Variants in DNAH17 observed in about 807,000 individuals in gnomAD.
DNAH17 encodes the protein dynein axonemal heavy chain 17.
Under a neutral mutation model 485.6 loss-of-function variants are expected in DNAH17, and 376 were observed. That is an observed-to-expected ratio of 0.77 (90% CI 0.71 to 0.84). The LOEUF is 0.84. Among genes scored for constraint, DNAH17 ranks in the 40% least tolerant of loss-of-function variants. The pLI is 0.00. For synonymous variants in DNAH17, 3,031 were observed against 2,405.9 expected (o/e 1.26, Z -7.60); for missense variants, 6,370 against 5,839.3 (o/e 1.09, Z -2.96).
chr17:78,465,758 T>TG (rs2088410363), intron 56 of DNAH17, among the ~76,000 whole-genome samples: 1 of 134,848 alleles, frequency 7.4e-6, no homozygotes, highest in Non-Finnish European at 1.5e-5. Context: ...GGGAGGGAGG[T>TG]GGGGGCGGTC....
At position 78,450,310 on chromosome 17, in the gene DNAH17, A is replaced by C; in HGVS notation, c.10984T>G (p.Tyr3662Asp). ...TTGTTGAGATCGTTCAGTATGAAGT[A>C]GAGCAGAGATGCCCTCTCCGCAGCC... ...RPAAERASLL[Y>D]FILNDLNKIN... The change falls in exon 68 of 81, where the codon TAC (tyrosine) becomes GAC (aspartate). Residue 3662 changes from tyrosine to aspartate, a missense_variant. By Grantham distance (160) the Tyr-to-Asp change is radical. Coordinates refer to ENST00000389840, the MANE Select transcript of DNAH17 (RefSeq NM_173628.4). 1 of 1,614,008 alleles carries C rather than the reference A, an allele frequency of 6.2e-7. No individual in the cohort carries two copies. The highest frequency in any genetic ancestry group is 8.5e-7 in the Non-Finnish European group (1 of 1,179,876).
rs1453033666 is a variant in DNAH17, at chr17:78,543,611, G to T, written c.2532+246C>A. ...GGCCAATTTTTGTATTTTTAGTAAA[G>T]GCAGGGTTTCACCACGTTGGTCAAG... On this transcript the variant is annotated intron_variant, in intron 17 of 80. Transcript: ENST00000389840. 5.4e-6 allele frequency: 3 copies of T among 555,772 alleles called. No individual in the cohort carries two copies. The African/African-American group carries it at 5.7e-5, about 11-fold the overall frequency. The allele number at this position is 555,772 out of a possible 1,614,324, so 34.4% of individuals were successfully genotyped here.
At chr17:78,448,905 G>C (rs2087428193) in intron 69 of DNAH17, among the ~76,000 whole-genome samples, 1 of 152,160 alleles carries the variant, frequency 6.6e-6, no homozygotes, top group Non-Finnish European at 1.5e-5. Flanking sequence ...AATTTCTATT[G>C]TTTATAGATT....
chr17:78,537,756 C>A (rs2091416597), intron 18 of DNAH17, among the ~76,000 whole-genome samples: 1 of 152,256 alleles, frequency 6.6e-6, no homozygotes, highest in African/African-American at 2.4e-5. Flanking sequence ...AAGCCCACAC[C>A]TGCTACTTGC....
At chr17:78,488,793 A>T (rs1025249741) in intron 44 of DNAH17, among the ~76,000 whole-genome samples, 2 of 151,982 alleles carry the variant, frequency 1.3e-5, no homozygotes, top group African/African-American at 4.8e-5. Context: ...AGCAAATGGG[A>T]AATTTGGACA....
At chr17:78,516,533 T>A (rs1432540730) in intron 25 of DNAH17, among the ~76,000 whole-genome samples, 1 of 151,534 alleles carries the variant, frequency 6.6e-6, no homozygotes, top group Non-Finnish European at 1.5e-5. Context: ...CTAAAAAAAA[T>A]ACAAAAATTA....
intron 51 of DNAH17, 127 bp from the exon 52 acceptor site, chr17:78,476,860 G>C: frequency 1.7e-6 from 2 of 1,156,782 alleles, no homozygotes; most frequent in Non-Finnish European, 2.4e-6. Flanking sequence ...TGTTGGCACA[G>C]CATTCACTTG....
chr17:78,472,298 GTGGGGGTGCGAGGGTTAGGGTTAGGGAA>G (rs1408707160), intron 54 of DNAH17, among the ~76,000 whole-genome samples: 4 of 141,846 alleles, frequency 2.8e-5, no homozygotes, highest in African/African-American at 6.2e-5. Context: ...GGGTTAGGGA[GTGGGGGTGCGAGGGTTAGGGTTAGGGAA>G]TGGGGGTGCG....
chr17:78,461,009 C>T (rs895718205), intron 58 of DNAH17, among the ~76,000 whole-genome samples: 1 of 152,134 alleles, frequency 6.6e-6, no homozygotes, highest in African/African-American at 2.4e-5. Context: ...GATGCTGTAA[C>T]CTTCAGGCTC....
chr17:78,457,103 G>A (rs912950233), intron 62 of DNAH17, among the ~76,000 whole-genome samples: 1 of 152,262 alleles, frequency 6.6e-6, no homozygotes, highest in Non-Finnish European at 1.5e-5. Context: ...GGGCGTGGTG[G>A]CTCACGCCTG....
At chr17:78,454,353 C>T in intron 64 of DNAH17, 117 bp downstream of exon 64, 1 of 748,154 alleles carries the variant, frequency 1.3e-6, no homozygotes, top group South Asian at 1.8e-5. Context: ...AGATTTAAAA[C>T]CTGTGGGCTA....
chr17:78,525,092 C>A lies in DNAH17; in HGVS notation c.3781G>T (p.Val1261Phe). ...ALSKSGGLFE[V>F]PVPDYKQLKA... ...AGCTGCTTGTAGTCTGGGACGGGGA[C>A]CTCGAACAGGCCCCCGGACTTGGAC... The change falls in exon 25 of 81, where the codon GTC becomes TTC. Residue 1261 changes from valine to phenylalanine, a missense_variant. By Grantham distance (50) the Val-to-Phe change is conservative. Coordinates refer to ENST00000389840, the MANE Select transcript of DNAH17 (RefSeq NM_173628.4). 6.2e-7 allele frequency: 1 copy of A among 1,613,856 alleles called. No individual in the cohort carries two copies. Among genetic ancestry groups the A allele is most frequent in the Non-Finnish European group, 8.5e-7 (1 of 1,179,888 alleles).
chr17:78,532,465 G>A lies in DNAH17; in HGVS notation c.3114+17C>T, dbSNP rs1241388172. The A allele has an allele frequency of 1.3e-6, 2 of 1,594,150 alleles. No individual in the cohort carries two copies. Among genetic ancestry groups the A allele is most frequent in the Admixed American group, 1.7e-5 (1 of 58,470 alleles). ...ACTCTGGAGACAAGGAGGCTGGTGG[G>A]TGAGGTCTGCACGCACCTGCTCCTG... On this transcript the variant is annotated intron_variant, in intron 20 of 80. Transcript: ENST00000389840.
chr17:78,486,577 C>T (rs532925678), intron 44 of DNAH17, 71 bp from the exon 45 acceptor site: 29 of 1,504,426 alleles, frequency 1.9e-5, no homozygotes, highest in East Asian at 1.4e-4. Context: ...CCTTGGTAAA[C>T]GCCCCTCCCT....
rs372527684 is a variant in DNAH17, at chr17:78,494,031, C to T, written c.6408+5G>A. Reference sequence around the variant, plus strand: ...CCTGCAAGGTCCCTGGAGCGGGTGACACACCTGAGATTTGCCGCTGCCCGC... The same window carrying T: ...CCTGCAAGGTCCCTGGAGCGGGTGATACACCTGAGATTTGCCGCTGCCCGC... On this transcript the variant is annotated splice_donor_5th_base_variant and intron_variant, in intron 41 of 80. Transcript: ENST00000389840. 3.7e-5 allele frequency: 60 copies of T among 1,611,036 alleles called. No homozygotes were observed. The highest frequency in any genetic ancestry group is 3.3e-4 in the Middle Eastern group (2 of 6,062).
At chr17:78,493,443 GC>G (rs2089946282) in intron 41 of DNAH17, among the ~76,000 whole-genome samples, 1 of 152,272 alleles carries the variant, frequency 6.6e-6, no homozygotes, top group Non-Finnish European at 1.5e-5. Flanking sequence ...GGGAAAAGGA[GC>G]TTTAAAGACA....
rs370886150 is a variant in DNAH17, at chr17:78,475,638, G to A, written c.8319+31C>T. Reference sequence around the variant, plus strand: ...GAGAGGGTGACCCGGTCCAGGTCCCGTGCCCTTGCTATCAGCTCCAGCCTG... The same window carrying A: ...GAGAGGGTGACCCGGTCCAGGTCCCATGCCCTTGCTATCAGCTCCAGCCTG... On this transcript the variant is annotated intron_variant, in intron 53 of 80. Transcript: ENST00000389840. 9.2e-5 allele frequency: 148 copies of A among 1,611,352 alleles called. 1 individual carries two copies. The African/African-American group carries it at 1.1e-3, about 12-fold the overall frequency.
intron 23 of DNAH17, 35 bp downstream of exon 23, chr17:78,526,845 C>T: frequency 6.4e-7 from 1 of 1,557,272 alleles, no homozygotes; most frequent in South Asian, 1.2e-5. Context: ...ACGCTGCTCC[C>T]CGGAAATCCC....
Position 78,558,144 on chromosome 17 carries a change from C to A in DNAH17, c.2142G>T (p.Val714=), listed in dbSNP as rs763906580. 6 of 1,613,692 alleles carry A rather than the reference C, an allele frequency of 3.7e-6. No individual in the cohort carries two copies. Among genetic ancestry groups the A allele is most frequent in the African/African-American group, 2.7e-5 (2 of 74,912 alleles). The change falls in exon 14 of 81, where the codon GTG becomes GTT. Residue 714 remains valine, a synonymous_variant. Coordinates refer to ENST00000389840, the MANE Select transcript of DNAH17 (RefSeq NM_173628.4). ...AGCCAACGATGAGCTCCAGGTTGCC[C>A]ACAAACTTCCGGAAAGTTTCGTTCT... is the stretch of plus-strand genomic sequence containing the variant. ...FSENETFRKF[V]GNLELIVGWY...
Sources: gnomAD v4.1 joint callset for allele counts (sites outside exome capture counted in the v4.1 genomes callset) on GRCh38, gnomAD v4.1.1 for gene constraint, MANE v1.5 for transcripts, NCBI Gene and HGNC (gene_info 2026-07-23, HGNC 2026-07-21) for gene names.